CAST: variants seen among roughly 807,000 people sequenced by gnomAD.
The protein encoded by CAST is MIR583 host.
Under a neutral mutation model 119.6 loss-of-function variants are expected in CAST, and 76 were observed. That is an observed-to-expected ratio of 0.64 (90% CI 0.53 to 0.77). The LOEUF is 0.77. CAST is among the 30% of genes least tolerant of loss of function. The pLI is 0.00. For missense variants in CAST, 953 were observed against 946.5 expected, an observed-to-expected ratio of 1.01 and a Z score of -0.09; for synonymous variants, 319 against 331.6, an observed-to-expected ratio of 0.96 and a Z score of 0.41.
At chr5:96,283,495 A>G in the CAST span, among the ~76,000 whole-genome samples, 31 of 152,188 alleles carry the variant, frequency 2.0e-4, no homozygotes, top group Non-Finnish European at 2.2e-4. Context: ...CACAAGACGG[A>G]TCCAAACTCC....
chr5:96,451,186 C>T, the CAST span, among the ~76,000 whole-genome samples: 4 of 152,182 alleles, frequency 2.6e-5, no homozygotes, highest in East Asian at 7.7e-4. Context: ...AGGGCAGACA[C>T]CTAGTCTTAC....
At chr5:96,144,429 C>T in the CAST span, among the ~76,000 whole-genome samples, 9 of 152,234 alleles carry the variant, frequency 5.9e-5, no homozygotes, top group African/African-American at 2.2e-4. Flanking sequence ...ACCTGACTTG[C>T]TTTGGGAAGC....
chr5:96,009,453 C>T, the CAST span, among the ~76,000 whole-genome samples: 2,852 of 152,194 alleles, frequency 0.019, 72 homozygotes, highest in Admixed American at 0.072. Flanking sequence ...GCAGCCTCAC[C>T]ATCATCTGTT....
At chr5:96,273,465 C>T in the CAST span, among the ~76,000 whole-genome samples, 1 of 152,170 alleles carries the variant, frequency 6.6e-6, no homozygotes, top group African/African-American at 2.4e-5. Flanking sequence ...ATAAGTAAGA[C>T]TGTATCTCAA....
At chr5:96,405,221 T>C in the CAST span, among the ~76,000 whole-genome samples, 6 of 152,186 alleles carry the variant, frequency 3.9e-5, no homozygotes, top group African/African-American at 1.4e-4. Context: ...TGAGTCAAAA[T>C]GAAGGGAATT....
chr5:96,581,846 G>A (rs1260044520), intron 1 of CAST, among the ~76,000 whole-genome samples: 1 of 152,018 alleles, frequency 6.6e-6, no homozygotes. Context: ...AGCCGAGACT[G>A]CGCCACTCCA....
chr5:96,134,286 T>C, the CAST span, among the ~76,000 whole-genome samples: 102 of 152,336 alleles, frequency 6.7e-4, no homozygotes, highest in Non-Finnish European at 1.3e-3. Flanking sequence ...TTTCACCCCA[T>C]AGAGTTTCTC....
the CAST span, among the ~76,000 whole-genome samples, chr5:96,137,122 T>TGC: frequency 2.6e-5 from 4 of 152,214 alleles, no homozygotes; most frequent in African/African-American, 9.6e-5. Context: ...CTCATGTATC[T>TGC]GCCATTTCAG....
chr5:96,446,502 C>T, the CAST span, among the ~76,000 whole-genome samples: 1 of 152,204 alleles, frequency 6.6e-6, no homozygotes, highest in Non-Finnish European at 1.5e-5. Flanking sequence ...CCCCAAGCTC[C>T]TTTCCTACTC....
chr5:96,530,538 T>TC lies in CAST; in HGVS notation c.60+660dup, dbSNP rs201449482. Among the ~76,000 whole-genome samples the TC allele has an allele frequency of 6.3e-3, 953 of 152,226 alleles. 9 individuals carry two copies. The highest frequency in any genetic ancestry group is 0.017 in the Middle Eastern group (5 of 294). ...TGCACAGTAGAGACCTGTTAGCATG[T>TC]CCATAAACACTTTAAAACAATGTAG... On this transcript the variant is annotated intron_variant, in intron 1 of 11. Transcript: ENST00000505143.
At chr5:95,974,733 T>G in the CAST span, among the ~76,000 whole-genome samples, 2,820 of 152,292 alleles carry the variant, frequency 0.019, 82 homozygotes, top group African/African-American at 0.064. Context: ...CTTACTCTGA[T>G]AAGCTTATGA....
chr5:96,600,724 A>G (rs17396628), intron 1 of CAST, among the ~76,000 whole-genome samples: 14,189 of 152,066 alleles, frequency 0.093, 852 homozygotes, highest in African/African-American at 0.17. Flanking sequence ...GCCTCTCTGT[A>G]TTTCTTGCAA....
At chr5:96,033,709 G>A in the CAST span, among the ~76,000 whole-genome samples, 5 of 152,094 alleles carry the variant, frequency 3.3e-5, no homozygotes, top group Admixed American at 1.3e-4. Context: ...GAAGAAAATA[G>A]AGTTGAAAAA....
At chr5:95,965,088 C>G in the CAST span, 3 of 152,150 alleles carry the variant, frequency 2.0e-5, no homozygotes, top group African/African-American at 7.2e-5. Context: ...ACTGGATATC[C>G]AAATGAGTGA....
intron 1 of CAST, among the ~76,000 whole-genome samples, chr5:96,551,261 T>C (rs1473265680): frequency 6.6e-6 from 1 of 152,180 alleles, no homozygotes; most frequent in African/African-American, 2.4e-5. Context: ...GGGGCCAATA[T>C]TCAACATTCT....
chr5:96,058,689 G>A, the CAST span, among the ~76,000 whole-genome samples: 1 of 152,094 alleles, frequency 6.6e-6, no homozygotes, highest in African/African-American at 2.4e-5. Flanking sequence ...GGAAGGGAAT[G>A]ACTTGGCTGG....
intron 24 of CAST, among the ~76,000 whole-genome samples, chr5:96,760,091 AAT>A (rs1469211021): frequency 6.6e-6 from 1 of 152,040 alleles, no homozygotes; most frequent in African/African-American, 2.4e-5. Flanking sequence ...ATGTGGCATA[AAT>A]ATGTCATGAA....
chr5:96,749,930 T>C (rs1764616971), intron 19 of CAST, among the ~76,000 whole-genome samples: 1 of 152,216 alleles, frequency 6.6e-6, no homozygotes. Flanking sequence ...GAGAGTTTTT[T>C]TTTAAACACA....
At chr5:96,368,466 C>T in the CAST span, among the ~76,000 whole-genome samples, 65 of 150,806 alleles carry the variant, frequency 4.3e-4, no homozygotes, top group Non-Finnish European at 8.0e-4. Context: ...CACCATTACA[C>T]TCTAGCCTGG....
Sources: allele counts gnomAD v4.1 joint callset (sites outside exome capture counted in the v4.1 genomes callset), GRCh38; gene constraint gnomAD v4.1.1; transcripts MANE v1.5; gene names NCBI Gene and HGNC (gene_info 2026-07-23, HGNC 2026-07-21).